ABCB1: variants seen among roughly 807,000 people sequenced by gnomAD.
The protein encoded by ABCB1 is ATP-dependent translocase ABCB1.
In ABCB1, 69 loss-of-function variants were observed where a neutral mutation model predicts 142.0. The observed-to-expected ratio is 0.49, with a 90% CI of 0.40 to 0.59. The LOEUF (loss-of-function observed/expected upper bound fraction) is 0.59, where lower values mean the gene tolerates loss of function less well. Among genes scored for constraint, ABCB1 ranks in the 20% least tolerant of loss-of-function variants. ABCB1 has a pLI of 0.00. For missense variants in ABCB1, 1,326 were observed against 1,554.7 expected (o/e 0.85, Z 2.47); for synonymous variants, 532 against 539.2 (o/e 0.99, Z 0.18).
At chr7:87,703,868 A>T (rs1585149933) in intron 1 of ABCB1, among the ~76,000 whole-genome samples, 1 of 60,844 alleles carries the variant, frequency 1.6e-5, no homozygotes, top group African/African-American at 6.1e-5. Flanking sequence ...ATCTTAGGTG[A>T]GCTTTATCAG....
At chr7:87,629,123 C>A in intron 1 of ABCB1, 1 of 483,978 alleles carries the variant, frequency 2.1e-6, no homozygotes. Context: ...GGTCTGGACA[C>A]CGTCGCAGCC....
At chr7:87,678,895 G>C (rs1826639019) in intron 1 of ABCB1, among the ~76,000 whole-genome samples, 2 of 152,094 alleles carry the variant, frequency 1.3e-5, no homozygotes, top group Non-Finnish European at 2.9e-5. Context: ...ACCAAAGTAT[G>C]TATGCAGCTG....
At chr7:87,660,627 G>A (rs1247876677) in intron 1 of ABCB1, among the ~76,000 whole-genome samples, 1 of 151,598 alleles carries the variant, frequency 6.6e-6, no homozygotes, top group Non-Finnish European at 1.5e-5. Flanking sequence ...GATCATTTAT[G>A]TATATTAATG....
At chr7:87,517,329 C>T (rs920184895) in intron 23 of ABCB1, among the ~76,000 whole-genome samples, 4 of 152,044 alleles carry the variant, frequency 2.6e-5, no homozygotes, top group Non-Finnish European at 5.9e-5. Flanking sequence ...GCCTTATATG[C>T]TTTGTGAGCA....
intron 19 of ABCB1, among the ~76,000 whole-genome samples, chr7:87,537,244 G>T (rs1563040614): frequency 6.6e-6 from 1 of 152,208 alleles, no homozygotes; most frequent in Non-Finnish European, 1.5e-5. Flanking sequence ...GGTTATAGGA[G>T]ATGAGATTTG....
chr7:87,514,690 A>G (rs1454031253), intron 25 of ABCB1, among the ~76,000 whole-genome samples: 2 of 152,012 alleles, frequency 1.3e-5, no homozygotes. Context: ...GCTCACTTAC[A>G]TCTCCATTTC....
chr7:87,676,677 C>T (rs1004344623), intron 1 of ABCB1, among the ~76,000 whole-genome samples: 38 of 140,486 alleles, frequency 2.7e-4, no homozygotes, highest in Admixed American at 7.6e-4. Flanking sequence ...GCACTCCAGC[C>T]TGGGCAACAG....
At chr7:87,701,028 A>C (rs942366706) in intron 1 of ABCB1, among the ~76,000 whole-genome samples, 1 of 152,214 alleles carries the variant, frequency 6.6e-6, no homozygotes, top group Non-Finnish European at 1.5e-5. Context: ...ATTAATTCTT[A>C]TTAAATCTCA....
At chr7:87,672,662 A>G (rs1158676771) in intron 1 of ABCB1, among the ~76,000 whole-genome samples, 1 of 152,126 alleles carries the variant, frequency 6.6e-6, no homozygotes, top group African/African-American at 2.4e-5. Context: ...CCAAGACTCC[A>G]TGTAGCTCTG....
chr7:87,664,380 T>C (rs894787141), intron 1 of ABCB1, among the ~76,000 whole-genome samples: 1 of 152,062 alleles, frequency 6.6e-6, no homozygotes, highest in Non-Finnish European at 1.5e-5. Flanking sequence ...CAAAATTACT[T>C]TACTTACAAG....
intron 1 of ABCB1, among the ~76,000 whole-genome samples, chr7:87,630,162 T>C (rs1821069217): frequency 6.6e-6 from 1 of 152,188 alleles, no homozygotes; most frequent in Non-Finnish European, 1.5e-5. Context: ...GATGAAACTT[T>C]TTCTTCCTTT....
intron 1 of ABCB1, among the ~76,000 whole-genome samples, chr7:87,698,333 A>AT (rs1216768059): frequency 6.6e-6 from 1 of 152,082 alleles, no homozygotes; most frequent in African/African-American, 2.4e-5. Context: ...TGACCACATG[A>AT]TCCTCCCACC....
At chr7:87,511,449 A>T (rs962882471) in intron 25 of ABCB1, among the ~76,000 whole-genome samples, 1 of 152,226 alleles carries the variant, frequency 6.6e-6, no homozygotes, top group Non-Finnish European at 1.5e-5. Flanking sequence ...TAGCGCAAAA[A>T]TGTAAATGTT....
chr7:87,527,063 A>AT (rs570023781), intron 21 of ABCB1, among the ~76,000 whole-genome samples: 2 of 151,820 alleles, frequency 1.3e-5, no homozygotes, highest in South Asian at 2.1e-4. Context: ...CTTCTCAATG[A>AT]TTTTTTTTAA....
chr7:87,651,898 T>G (rs902187561), intron 1 of ABCB1, among the ~76,000 whole-genome samples: 3 of 152,160 alleles, frequency 2.0e-5, no homozygotes, highest in African/African-American at 7.2e-5. Context: ...GTTTGTAAAA[T>G]TGCTAATGCT....
intron 2 of ABCB1, among the ~76,000 whole-genome samples, chr7:87,598,604 A>G (rs1819308610): frequency 6.6e-6 from 1 of 152,220 alleles, no homozygotes; most frequent in South Asian, 2.1e-4. Flanking sequence ...AAGTTCCAAA[A>G]TGATAGCTGG....
chr7:87,571,645 G>A (rs142988583), intron 4 of ABCB1, among the ~76,000 whole-genome samples: 1 of 152,296 alleles, frequency 6.6e-6, no homozygotes. Flanking sequence ...GTGTCATGGT[G>A]GGAAATAAGA....
At chr7:87,612,707 T>C (rs1373227006) in intron 1 of ABCB1, among the ~76,000 whole-genome samples, 1 of 152,184 alleles carries the variant, frequency 6.6e-6, no homozygotes, top group Non-Finnish European at 1.5e-5. Context: ...TGCTTCCAGA[T>C]TTGTTCTTTT....
intron 19 of ABCB1, among the ~76,000 whole-genome samples, chr7:87,537,969 G>A (rs1816371030): frequency 6.6e-6 from 1 of 152,160 alleles, no homozygotes; most frequent in Non-Finnish European, 1.5e-5. Context: ...ATTATAGTAT[G>A]TATCAACTTG....
Sources: allele counts gnomAD v4.1 joint callset (sites outside exome capture counted in the v4.1 genomes callset), GRCh38; gene constraint gnomAD v4.1.1; transcripts MANE v1.5; gene names NCBI Gene and HGNC (gene_info 2026-07-23, HGNC 2026-07-21).